Variants in FAM120B observed in about 807,000 individuals in gnomAD.
The protein encoded by FAM120B is family with sequence similarity 120 member B, also known as constitutive coactivator of peroxisome proliferator-activated receptor gamma.
FAM120B carries 83 observed loss-of-function variants against 96.3 expected under a neutral mutation model. The observed-to-expected ratio is 0.86, with a 90% CI of 0.72 to 1.03. The LOEUF (loss-of-function observed/expected upper bound fraction) is 1.03, where lower values mean the gene tolerates loss of function less well. Ranked by LOEUF, FAM120B falls within the 50% of genes least tolerant of loss-of-function variation. The pLI, the probability that FAM120B is intolerant of heterozygous loss-of-function variation, is 0.00. For synonymous variants in FAM120B, 407 were observed against 402.7 expected (o/e 1.01, Z -0.13); for missense variants, 1,027 against 1,121.2 (o/e 0.92, Z 1.20).
In FAM120B at chr6:170,295,409, T is replaced by C; in HGVS notation, c.4T>C (p.Phe2Leu). The C allele has an allele frequency of 1.4e-6, 1 of 701,788 alleles. No individual in the cohort carries two copies. The highest frequency in any genetic ancestry group is 1.5e-5 in the South Asian group (1 of 67,454). The allele number at this position is 701,788 out of a possible 1,614,324, so 43.5% of individuals were successfully genotyped here. A position where few individuals can be genotyped will look rare whatever the true frequency, so the allele number is the denominator to read the frequency against. The change falls in exon 1 of 11, where the codon TTT (phenylalanine) becomes CTT (leucine). Residue 2 changes from phenylalanine to leucine, a missense_variant. Transcript: ENST00000537664. This position sits in a 1 kb window ranked among gnomAD's most constrained non-coding sequence, Gnocchi z 7.8. ...GGAGGGGGCATCGATCTGGTTTATGTTTGGACCTCGAGGCTCCACCAGCGC... is the reference window on the plus strand; with the variant it reads ...GGAGGGGGCATCGATCTGGTTTATGCTTGGACCTCGAGGCTCCACCAGCGC...
Position 170,306,762 on chromosome 6 carries a change from G to C in FAM120B, c.-102G>C, listed in dbSNP as rs966764602. On this transcript the variant is annotated 5_prime_UTR_variant, in exon 1 of 11. Transcript: ENST00000476287. ...GCCTTGAGCGGAAGCGGAAGTGAAC[G>C]AGGCGGCTGTGGCGGTGGCTGAGGC... 2.0e-5 allele frequency: 3 copies of C among 153,416 alleles called. No homozygotes were observed. Among genetic ancestry groups the C allele is most frequent in the East Asian group, 3.8e-4 (2 of 5,208 alleles). 9.5% of individuals were successfully genotyped at this position (153,416 alleles called of 1,614,324 possible). A position where few individuals can be genotyped will look rare whatever the true frequency, so the allele number is the denominator to read the frequency against.
At position 170,388,324 on chromosome 6, in the gene FAM120B, C is replaced by G; in HGVS notation, c.2321C>G (p.Ser774Cys). The change falls in exon 7 of 11, where the codon TCC becomes TGC. Residue 774 changes from serine to cysteine, a missense_variant. Around this residue, in one of 3 missense-constraint regions of FAM120B, gnomAD observed 880 missense variants for 980.9 expected, o/e 0.90. Transcript: ENST00000476287. ...AACCCCAGAGCCGTGCAGCTGGGCTCCCTTCTCGTCCGCGGCCTCACCACT... is the reference window on the plus strand; with the variant it reads ...AACCCCAGAGCCGTGCAGCTGGGCTGCCTTCTCGTCCGCGGCCTCACCACT... ...YINPRAVQLG[S>C]LLVRGLTTLV... 6.2e-7 allele frequency: 1 copy of G among 1,614,060 alleles called. No homozygotes were observed.
At chr6:170,353,763 A>G (rs772047564) in intron 5 of FAM120B, among the ~76,000 whole-genome samples, 4 of 152,234 alleles carry the variant, frequency 2.6e-5, no homozygotes, top group Non-Finnish European at 4.4e-5. Flanking sequence ...TGCTCAAAGA[A>G]ATCAGAGAGG....
At chr6:170,319,425 G>T (rs1028158821) in intron 2 of FAM120B, among the ~76,000 whole-genome samples, 9 of 152,216 alleles carry the variant, frequency 5.9e-5, no homozygotes, top group Admixed American at 5.2e-4. Context: ...CCAGCACTTT[G>T]GGAGGCCCAA....
chr6:170,316,314 G>A (rs1254435696), intron 1 of FAM120B, among the ~76,000 whole-genome samples: 5 of 152,150 alleles, frequency 3.3e-5, no homozygotes, highest in Admixed American at 3.3e-4. Flanking sequence ...GCCTGTCTAG[G>A]AGAGGCGTCA....
chr6:170,339,997 T>C (rs149232546), intron 4 of FAM120B, among the ~76,000 whole-genome samples: 10 of 152,240 alleles, frequency 6.6e-5, no homozygotes, highest in African/African-American at 1.7e-4. Flanking sequence ...GAGTATCTTA[T>C]TGGTATTCTC....
intron 4 of FAM120B, among the ~76,000 whole-genome samples, chr6:170,344,552 G>A (rs1298947902): frequency 4.0e-5 from 6 of 151,402 alleles, no homozygotes; most frequent in African/African-American, 9.7e-5. Flanking sequence ...CACCTGCACC[G>A]TTGCCTGCGG....
In FAM120B at chr6:170,318,784, C is replaced by G. The variant is rs767781719; in HGVS notation, c.1394C>G (p.Thr465Arg). Residue 465 changes from threonine (T) to arginine (R), a missense_variant, in exon 2 of 11, where the codon ACA becomes AGA. Transcript: ENST00000476287. ...CCCAGGCAAGAAGTTCCCATGTATA[C>G]AGGCCCTGAATCCAGGCAAGAAGTT... ...SEPRQEVPMY[T>R]GPESRQEVPM... The G allele has an allele frequency of 2.5e-6, 4 of 1,613,316 alleles. No individual in the cohort carries two copies. The highest frequency in any genetic ancestry group is 3.4e-6 in the Non-Finnish European group (4 of 1,179,750).
chr6:170,361,686 T>C (rs572745212), intron 6 of FAM120B, among the ~76,000 whole-genome samples: 1 of 152,350 alleles, frequency 6.6e-6, no homozygotes, highest in Admixed American at 6.5e-5. Context: ...ACATACCTGC[T>C]CGACTGAACT....
chr6:170,315,764 T>C (rs1337992469), intron 1 of FAM120B, among the ~76,000 whole-genome samples: 1 of 152,128 alleles, frequency 6.6e-6, no homozygotes, highest in East Asian at 1.9e-4. Context: ...CAAATTCTAC[T>C]GTTAGGGGCT....
intron 6 of FAM120B, among the ~76,000 whole-genome samples, chr6:170,362,646 G>C (rs1026466285): frequency 6.6e-6 from 1 of 151,404 alleles, no homozygotes; most frequent in African/African-American, 2.4e-5. Context: ...CTCATCCCAG[G>C]GTGCAATAAT....
rs1425382087 is a variant in FAM120B at position 170,317,789 on chromosome 6, C to T, written c.399C>T (p.Ile133=). ...AGCCAGGCAGAAATATGTTCTTCAT[C>T]CCCTCAGGGCTAGCTGTGTTTACAC... ...KEQPGRNMFF[I]PSGLAVFTRF... The change falls in exon 2 of 11, where the codon ATC becomes ATT. Residue 133 remains isoleucine, a synonymous_variant. Coordinates refer to ENST00000476287, the MANE Select transcript of FAM120B (RefSeq NM_032448.3). 1.4e-5 allele frequency: 23 copies of T among 1,614,074 alleles called. No homozygotes were observed. The highest frequency in any genetic ancestry group is 1.9e-5 in the Non-Finnish European group (23 of 1,180,048).
chr6:170,371,797 T>C (rs1789211787), intron 6 of FAM120B, among the ~76,000 whole-genome samples: 1 of 151,944 alleles, frequency 6.6e-6, no homozygotes, highest in Non-Finnish European at 1.5e-5. Context: ...AAGTAAGAGA[T>C]GATTGGCCAG....
chr6:170,348,505 C>G (rs9295396), intron 5 of FAM120B, among the ~76,000 whole-genome samples, 182 bp downstream of exon 5: 16,075 of 152,198 alleles, frequency 0.11, 1,047 homozygotes, highest in East Asian at 0.2. Context: ...AAAATACGTA[C>G]AAGAAACTCT....
intron 9 of FAM120B, among the ~76,000 whole-genome samples, chr6:170,398,066 G>T (rs114610420): frequency 6.6e-6 from 1 of 152,238 alleles, no homozygotes; most frequent in South Asian, 2.1e-4. Flanking sequence ...CAGATGGGAG[G>T]ATGGGAAAGA....
chr6:170,351,954 G>A (rs929659805), intron 5 of FAM120B, among the ~76,000 whole-genome samples: 4 of 152,150 alleles, frequency 2.6e-5, no homozygotes, highest in Non-Finnish European at 4.4e-5. Context: ...AACCCTAAAC[G>A]TAAATGGGCT....
chr6:170,330,256 T>G (rs1296521600), intron 3 of FAM120B, among the ~76,000 whole-genome samples, 193 bp from the exon 4 acceptor site: 1 of 152,200 alleles, frequency 6.6e-6, no homozygotes, highest in African/African-American at 2.4e-5. Flanking sequence ...GGTATGGTTC[T>G]TGATGGAATG....
At chr6:170,355,935 A>G (rs141459315) in intron 5 of FAM120B, among the ~76,000 whole-genome samples, 66 of 152,158 alleles carry the variant, frequency 4.3e-4, no homozygotes, top group African/African-American at 1.5e-3. Flanking sequence ...TCTTGATACT[A>G]TGTGTGTGCA....
At chr6:170,333,840 C>T (rs1419013077) in intron 4 of FAM120B, among the ~76,000 whole-genome samples, 2 of 152,170 alleles carry the variant, frequency 1.3e-5, no homozygotes, top group Non-Finnish European at 2.9e-5. Context: ...GATATATATA[C>T]TACATTTCAT....
Sources: allele counts gnomAD v4.1 joint callset (sites outside exome capture counted in the v4.1 genomes callset), GRCh38; gene constraint gnomAD v4.1.1; regional missense constraint gnomAD v4.1.1; non-coding constraint Gnocchi (gnomAD v3.1); transcripts MANE v1.5; gene names NCBI Gene and HGNC (gene_info 2026-07-23, HGNC 2026-07-21).